The following GLRA1 variants were observed in gnomAD, a reference collection of about 807,000 sequenced individuals.
GLRA1 encodes glycine receptor alpha 1, also known as glycine receptor subunit alpha-1.
GLRA1 carries 37 observed loss-of-function variants against 48.3 expected under a neutral mutation model. The observed-to-expected ratio is 0.77, with a 90% CI of 0.59 to 1.01. The LOEUF (loss-of-function observed/expected upper bound fraction) is 1.01. Among genes scored for constraint, GLRA1 ranks in the 50% least tolerant of loss-of-function variants. GLRA1 has a pLI of 0.00. For synonymous variants in GLRA1, 196 were observed against 210.7 expected (o/e 0.93, Z 0.60); for missense variants, 427 against 571.0 (o/e 0.75, Z 2.57).
intron 1 of GLRA1, among the ~76,000 whole-genome samples, chr5:151,903,314 T>C (rs1045500800): frequency 6.6e-6 from 1 of 152,210 alleles, no homozygotes; most frequent in Non-Finnish European, 1.5e-5. Context: ...AAGCTGCCTT[T>C]AATAAATGGA....
chr5:151,836,160 C>A (rs1439758927), intron 7 of GLRA1, among the ~76,000 whole-genome samples: 1 of 152,058 alleles, frequency 6.6e-6, no homozygotes, highest in Admixed American at 6.6e-5. Flanking sequence ...TTCCTATACA[C>A]CAATAATAGA....
rs1763352666 is a variant in GLRA1, at chr5:151,829,068, C to T, written c.913-1G>A. Reference sequence around the variant, plus strand: ...TGTCAATGGCTTTCACATAGGACACCTAGAGTGGGGGTGGAGGAGAAACAG... The same window carrying T: ...TGTCAATGGCTTTCACATAGGACACTTAGAGTGGGGGTGGAGGAGAAACAG... On this transcript the variant is annotated splice_acceptor_variant, in intron 7 of 8. Coordinates refer to ENST00000274576, the MANE Select transcript of GLRA1 (RefSeq NM_000171.4). LOFTEE classifies it high-confidence loss of function. 1.9e-6 allele frequency: 3 copies of T among 1,613,748 alleles called. No homozygotes were observed. The African/African-American group carries it at 4.0e-5, about 22-fold the overall frequency.
intron 1 of GLRA1, among the ~76,000 whole-genome samples, chr5:151,903,985 T>A (rs776721810): frequency 6.6e-6 from 1 of 152,190 alleles, no homozygotes; most frequent in Non-Finnish European, 1.5e-5. Flanking sequence ...CTAAAACAGC[T>A]CACTCAATTC....
chr5:151,920,100 A>G (rs1230474619), intron 1 of GLRA1, among the ~76,000 whole-genome samples: 3 of 152,246 alleles, frequency 2.0e-5, no homozygotes, highest in Admixed American at 2.0e-4. Flanking sequence ...GTTTAGTTTT[A>G]GACTGGACAC....
intron 7 of GLRA1, among the ~76,000 whole-genome samples, chr5:151,842,239 A>T (rs1467670867): frequency 6.6e-6 from 1 of 152,104 alleles, no homozygotes; most frequent in Non-Finnish European, 1.5e-5. Flanking sequence ...GGAAGTGGAT[A>T]GAACATTTCC....
intron 1 of GLRA1, among the ~76,000 whole-genome samples, chr5:151,916,983 G>A (rs1017062316): frequency 1.3e-5 from 2 of 152,176 alleles, no homozygotes; most frequent in Non-Finnish European, 1.5e-5. Flanking sequence ...GAAAGAAAGT[G>A]CGGTGGCAAA....
At chr5:151,829,194 G>T in intron 7 of GLRA1, 127 bp from the exon 8 acceptor site, 1 of 847,464 alleles carries the variant, frequency 1.2e-6, no homozygotes. Context: ...TTCTCAGCTG[G>T]GATATTAGGG....
At chr5:151,905,857 A>G (rs912137356) in intron 1 of GLRA1, among the ~76,000 whole-genome samples, 3 of 152,272 alleles carry the variant, frequency 2.0e-5, no homozygotes, top group African/African-American at 7.2e-5. Flanking sequence ...GGAGAAAGCG[A>G]GCTCTTAGTG....
intron 3 of GLRA1, among the ~76,000 whole-genome samples, chr5:151,877,136 G>T (rs887551164): frequency 4.6e-5 from 7 of 152,158 alleles, no homozygotes; most frequent in Non-Finnish European, 1.0e-4. Context: ...ACTTTGTTAT[G>T]GTAGCACACA....
At chr5:151,885,184 G>C (rs2113404224) in intron 3 of GLRA1, among the ~76,000 whole-genome samples, 1 of 152,330 alleles carries the variant, frequency 6.6e-6, no homozygotes, top group Non-Finnish European at 1.5e-5. Context: ...CTCCATAAAT[G>C]CTTAGGACCA....
intron 3 of GLRA1, among the ~76,000 whole-genome samples, chr5:151,865,725 A>G (rs1459413872): frequency 3.9e-5 from 6 of 152,192 alleles, no homozygotes; most frequent in Non-Finnish European, 8.8e-5. Context: ...ATCTCTTTGT[A>G]TTTCATAATG....
chr5:151,842,009 A>G (rs1763721866), intron 7 of GLRA1, among the ~76,000 whole-genome samples: 1 of 151,468 alleles, frequency 6.6e-6, no homozygotes. Flanking sequence ...GTGAGCCGAG[A>G]TCGTGCCACT....
At chr5:151,870,669 A>G (rs530803119) in intron 3 of GLRA1, among the ~76,000 whole-genome samples, 1 of 149,736 alleles carries the variant, frequency 6.7e-6, no homozygotes, top group Admixed American at 6.6e-5. Flanking sequence ...GCAATTGGTA[A>G]TCTAGCATAC....
chr5:151,828,877 T>TAGTA (rs1456520702), intron 8 of GLRA1, 44 bp downstream of exon 8: 1 of 1,586,418 alleles, frequency 6.3e-7, no homozygotes, highest in Admixed American at 1.7e-5. Flanking sequence ...ACTCTTTTGT[T>TAGTA]TACTAACAGC....
chr5:151,873,088 T>G (rs970553171), intron 3 of GLRA1, among the ~76,000 whole-genome samples: 6 of 149,760 alleles, frequency 4.0e-5, no homozygotes, highest in Admixed American at 2.6e-4. Context: ...TACAAAAGCT[T>G]GTTTTCATGT....
chr5:151,849,271 T>TCTCC (rs1172854810), intron 7 of GLRA1, among the ~76,000 whole-genome samples: 1 of 126,482 alleles, frequency 7.9e-6, no homozygotes, highest in Admixed American at 8.0e-5. Flanking sequence ...TCTCTCTCTC[T>TCTCC]CTCTTCCTTT....
At chr5:151,911,638 C>G (rs536647156) in intron 1 of GLRA1, among the ~76,000 whole-genome samples, 1 of 123,180 alleles carries the variant, frequency 8.1e-6, no homozygotes, top group Non-Finnish European at 1.6e-5. Flanking sequence ...TGGAGTCTCA[C>G]TCTTTTGCCC....
intron 6 of GLRA1, 66 bp from the exon 7 acceptor site, chr5:151,851,670 A>G: frequency 9.4e-7 from 1 of 1,062,822 alleles, no homozygotes. Flanking sequence ...TTAGGATTAG[A>G]ACAACCTCGG....
Position 151,889,383 on chromosome 5 carries a change from C to T in GLRA1, c.185-2595G>A, listed in dbSNP as rs115458077. The stretch of plus-strand genomic sequence containing the variant: ...ACACAGAATAACAGAGCTGGAATGG[C>T]CTAGTCCTGCTGGATCATTTTACAG... On this transcript the variant is annotated intron_variant, in intron 2 of 8. Transcript: ENST00000274576. 8.4e-3 allele frequency among the ~76,000 whole-genome samples: 1,276 copies of T among 152,300 alleles called. 16 individuals are homozygous for T. The highest frequency in any genetic ancestry group is 0.028 in the African/African-American group (1,167 of 41,558).
Sources: gnomAD v4.1 joint callset for allele counts (sites outside exome capture counted in the v4.1 genomes callset) on GRCh38, gnomAD v4.1.1 for gene constraint, MANE v1.5 for transcripts, NCBI Gene and HGNC (gene_info 2026-07-23, HGNC 2026-07-21) for gene names.